The following AGBL4 variants were observed in gnomAD, a reference collection of about 807,000 sequenced individuals.
AGBL4 encodes AGBL carboxypeptidase 4, also known as cytosolic carboxypeptidase 6.
In AGBL4, 58 loss-of-function variants were observed where a neutral mutation model predicts 66.4. The observed-to-expected ratio is 0.87, with a 90% confidence interval of 0.71 to 1.09. AGBL4 has a LOEUF of 1.09. Among genes scored for constraint, AGBL4 ranks in the 50% least tolerant of loss-of-function variants. AGBL4 has a pLI of 0.00. For missense variants in AGBL4, 579 were observed against 631.0 expected, an observed-to-expected ratio of 0.92 and a Z score of 0.88; for synonymous variants, 234 against 222.9, an observed-to-expected ratio of 1.05 and a Z score of -0.44.
intron 6 of AGBL4, among the ~76,000 whole-genome samples, chr1:48,665,041 GA>G (rs1420591191): frequency 6.6e-6 from 1 of 152,218 alleles, no homozygotes; most frequent in Non-Finnish European, 1.5e-5. Flanking sequence ...TGTCAGAGAT[GA>G]AACTAAAAAT....
intron 5 of AGBL4, among the ~76,000 whole-genome samples, chr1:48,986,830 T>C (rs951670717): frequency 2.0e-5 from 3 of 152,052 alleles, no homozygotes; most frequent in African/African-American, 7.2e-5. Flanking sequence ...ATAATAACAA[T>C]GTAGTTTGGG....
At position 48,789,965 on chromosome 1, in the gene AGBL4, A is replaced by G. The variant is rs185312394; in HGVS notation, c.634+77226T>C. Among the ~76,000 whole-genome samples, 289 of 152,328 alleles carry G rather than the reference A, an allele frequency of 1.9e-3. 2 individuals are homozygous for G. Among genetic ancestry groups the G allele is most frequent in the Middle Eastern group, 3.4e-3 (1 of 294 alleles). ...CATAAACAACGAGGTATATTTTTCCACTTAAGATGTTCAGTGCCTATCCAA... is the reference window on the plus strand; with the variant it reads ...CATAAACAACGAGGTATATTTTTCCGCTTAAGATGTTCAGTGCCTATCCAA... On this transcript the variant is annotated intron_variant, in intron 6 of 13. Coordinates refer to ENST00000371839, the MANE Select transcript of AGBL4 (RefSeq NM_032785.4).
intron 3 of AGBL4, among the ~76,000 whole-genome samples, chr1:49,329,322 A>G (rs1194251568): frequency 1.3e-5 from 2 of 152,020 alleles, no homozygotes; most frequent in Non-Finnish European, 2.9e-5. Context: ...AAAACAAAAC[A>G]AAAACCTCTC....
intron 3 of AGBL4, among the ~76,000 whole-genome samples, chr1:49,655,620 A>G (rs556219189): frequency 3.2e-4 from 49 of 152,202 alleles, no homozygotes; most frequent in South Asian, 8.3e-4. Flanking sequence ...TAAAATTGAC[A>G]CCCTCACATC....
chr1:49,395,654 T>C (rs1337779748), intron 3 of AGBL4, among the ~76,000 whole-genome samples: 2 of 149,042 alleles, frequency 1.3e-5, no homozygotes, highest in Non-Finnish European at 3.0e-5. Flanking sequence ...TGAGAATGTA[T>C]TTGAATCATC....
chr1:48,607,490 C>T (rs1015446156), intron 9 of AGBL4, among the ~76,000 whole-genome samples: 2 of 152,016 alleles, frequency 1.3e-5, no homozygotes, highest in Admixed American at 6.6e-5. Context: ...TGGTGGTGTG[C>T]GCCTGTAATC....
chr1:48,640,402 T>C (rs1359987490), intron 8 of AGBL4, among the ~76,000 whole-genome samples: 2 of 152,150 alleles, frequency 1.3e-5, no homozygotes, highest in Non-Finnish European at 2.9e-5. Context: ...AATATATTTA[T>C]TGGATGAATG....
intron 3 of AGBL4, among the ~76,000 whole-genome samples, chr1:49,293,074 G>A (rs1230359884): frequency 1.3e-5 from 2 of 152,216 alleles, no homozygotes; most frequent in Non-Finnish European, 2.9e-5. Context: ...TTGGGGCCCT[G>A]CAGTTCCTGG....
At chr1:50,010,121 C>T (rs964643637) in intron 1 of AGBL4, among the ~76,000 whole-genome samples, 2 of 151,966 alleles carry the variant, frequency 1.3e-5, no homozygotes, top group East Asian at 1.9e-4. Context: ...CCCTGGCTAA[C>T]AAGATGAAAC....
chr1:49,152,165 G>T (rs1401379076), intron 4 of AGBL4, among the ~76,000 whole-genome samples: 1 of 152,158 alleles, frequency 6.6e-6, no homozygotes, highest in African/African-American at 2.4e-5. Context: ...TAAGTATGCT[G>T]TAGACAGCAC....
chr1:49,375,316 G>A (rs146204803), intron 3 of AGBL4, among the ~76,000 whole-genome samples: 4 of 152,194 alleles, frequency 2.6e-5, no homozygotes, highest in African/African-American at 7.2e-5. Context: ...TATAGAAAGT[G>A]CCATTTATCC....
At chr1:49,497,185 T>A (rs1647674704) in intron 3 of AGBL4, among the ~76,000 whole-genome samples, 1 of 152,032 alleles carries the variant, frequency 6.6e-6, no homozygotes, top group Non-Finnish European at 1.5e-5. Context: ...TTGAGAAATG[T>A]CTAATAGTAC....
chr1:49,804,441 G>A (rs1365479982), intron 2 of AGBL4, among the ~76,000 whole-genome samples: 2 of 152,240 alleles, frequency 1.3e-5, no homozygotes. Context: ...TCAAAAGGAA[G>A]GGCAATGAGT....
intron 9 of AGBL4, among the ~76,000 whole-genome samples, chr1:48,630,029 T>C (rs1269463102): frequency 2.6e-5 from 4 of 152,140 alleles, no homozygotes; most frequent in Non-Finnish European, 5.9e-5. Context: ...GACCCTGAGA[T>C]GAGTTAACCA....
intron 4 of AGBL4, among the ~76,000 whole-genome samples, chr1:49,052,862 C>A (rs1644244844): frequency 1.3e-5 from 2 of 152,136 alleles, no homozygotes; most frequent in Non-Finnish European, 2.9e-5. Context: ...GGGCTACGTG[C>A]AATTCTAGCT....
chr1:49,996,620 A>G (rs1660387893), intron 1 of AGBL4, among the ~76,000 whole-genome samples: 1 of 152,204 alleles, frequency 6.6e-6, no homozygotes, highest in African/African-American at 2.4e-5. Flanking sequence ...GAGAAATCTA[A>G]AAGTTTGGAA....
At chr1:49,535,077 A>G (rs895670945) in intron 3 of AGBL4, among the ~76,000 whole-genome samples, 20 of 152,130 alleles carry the variant, frequency 1.3e-4, no homozygotes, top group Admixed American at 9.2e-4. Flanking sequence ...CAATATTGAC[A>G]CTTTTACAAG....
intron 2 of AGBL4, among the ~76,000 whole-genome samples, chr1:49,799,451 A>C (rs939710335): frequency 6.6e-6 from 1 of 152,206 alleles, no homozygotes; most frequent in African/African-American, 2.4e-5. Flanking sequence ...CCAGGGTTCC[A>C]TGAATATCCT....
intron 5 of AGBL4, among the ~76,000 whole-genome samples, chr1:48,918,831 T>G (rs776334997): frequency 1.4e-4 from 22 of 152,214 alleles, no homozygotes; most frequent in Non-Finnish European, 2.6e-4. Context: ...ACCAATTTCA[T>G]AGTGACTCAT....
Sources: allele counts gnomAD v4.1 joint callset (sites outside exome capture counted in the v4.1 genomes callset), GRCh38; gene constraint gnomAD v4.1.1; transcripts MANE v1.5; gene names NCBI Gene and HGNC (gene_info 2026-07-23, HGNC 2026-07-21).